The following CAMSAP2 variants were observed in gnomAD, a reference collection of about 807,000 sequenced individuals.
CAMSAP2 encodes the protein calmodulin-regulated spectrin-associated protein 2.
In CAMSAP2, 26 loss-of-function variants were observed where a neutral mutation model predicts 146.1. The observed-to-expected ratio is 0.18, with a 90% confidence interval of 0.13 to 0.25. CAMSAP2 has a LOEUF of 0.25. Ranked by LOEUF, CAMSAP2 falls within the 10% of genes least tolerant of loss-of-function variation. The pLI, the probability that CAMSAP2 is intolerant of heterozygous loss-of-function variation, is 1.00. For synonymous variants in CAMSAP2, 499 were observed against 596.6 expected, an observed-to-expected ratio of 0.84 and a Z score of 2.38; for missense variants, 1,381 against 1,759.3, an observed-to-expected ratio of 0.78 and a Z score of 3.85.
Position 200,828,556 on chromosome 1 carries a change from C to T in CAMSAP2, c.646-3644C>T, listed in dbSNP as rs74689174. ...TACCTTTTGCTTTCCCCTTTTTTCC[C>T]GCTGCTTCCTCTGAAGTCTCCTTCC... On this transcript the variant is annotated intron_variant, in intron 4 of 16. Coordinates refer to ENST00000358823, the MANE Select transcript of CAMSAP2 (RefSeq NM_203459.4). The T allele has an allele frequency of 1.5e-3, 2,303 of 1,548,826 alleles. 38 individuals are homozygous for T. The Admixed American group carries it at 0.028, about 19-fold the overall frequency.
chr1:200,801,962 T>G (rs1666046448), intron 2 of CAMSAP2, among the ~76,000 whole-genome samples: 1 of 152,220 alleles, frequency 6.6e-6, no homozygotes, highest in South Asian at 2.1e-4. Flanking sequence ...ACCCCTAGTT[T>G]AACTGAGTTG....
chr1:200,797,956 A>C (rs546234750), intron 2 of CAMSAP2, among the ~76,000 whole-genome samples: 10 of 152,212 alleles, frequency 6.6e-5, no homozygotes, highest in African/African-American at 2.4e-4. Context: ...TGTTTTTGTC[A>C]GGTTTGTCAA....
At chr1:200,794,422 C>A (rs1004119518) in intron 2 of CAMSAP2, among the ~76,000 whole-genome samples, 1 of 152,100 alleles carries the variant, frequency 6.6e-6, no homozygotes, top group Non-Finnish European at 1.5e-5. Flanking sequence ...TTCTGTGAAG[C>A]CTTGGGTTTA....
At chr1:200,783,695 G>T (rs1359218762) in intron 2 of CAMSAP2, among the ~76,000 whole-genome samples, 3 of 151,882 alleles carry the variant, frequency 2.0e-5, no homozygotes, top group Non-Finnish European at 4.4e-5. Context: ...TCACTGTGTT[G>T]CCCAGATAGT....
At chr1:200,749,105 A>G (rs1300826261) in intron 1 of CAMSAP2, among the ~76,000 whole-genome samples, 1 of 152,208 alleles carries the variant, frequency 6.6e-6, no homozygotes, top group African/African-American at 2.4e-5. Context: ...GATAGGATGC[A>G]AACAGGGAGG....
At chr1:200,776,698 T>G (rs557679284) in intron 2 of CAMSAP2, among the ~76,000 whole-genome samples, 2 of 152,196 alleles carry the variant, frequency 1.3e-5, no homozygotes, top group Non-Finnish European at 2.9e-5. Flanking sequence ...CACTCCAGCC[T>G]GGGCAACAGA....
chr1:200,835,213 T>TA (rs1324948655), intron 6 of CAMSAP2, among the ~76,000 whole-genome samples: 2 of 152,186 alleles, frequency 1.3e-5, no homozygotes, highest in African/African-American at 4.8e-5. Context: ...AACAAAGCCC[T>TA]AATTTAAGAC....
At chr1:200,791,977 ATACT>A (rs1455956143) in intron 2 of CAMSAP2, among the ~76,000 whole-genome samples, 2 of 152,002 alleles carry the variant, frequency 1.3e-5, no homozygotes, top group African/African-American at 4.8e-5. Context: ...AAAAAAAAAA[ATACT>A]TACCCAAAAT....
intron 3 of CAMSAP2, among the ~76,000 whole-genome samples, chr1:200,809,701 G>A (rs1014205115): frequency 3.9e-5 from 6 of 152,010 alleles, no homozygotes; most frequent in Non-Finnish European, 5.9e-5. Context: ...AGTGCACTCC[G>A]GCCTGGGTGA....
chr1:200,856,312 T>C (rs564168885), intron 15 of CAMSAP2, among the ~76,000 whole-genome samples, 187 bp downstream of exon 15: 3 of 152,378 alleles, frequency 2.0e-5, no homozygotes, highest in African/African-American at 7.2e-5. Flanking sequence ...ATGCTACTTA[T>C]ATCTCATCCC....
In CAMSAP2 at chr1:200,832,397, A is replaced by C. The variant is rs1033598274; in HGVS notation, c.787+56A>C. 5 of 1,515,526 alleles carry C rather than the reference A, an allele frequency of 3.3e-6. No homozygotes were observed. Among genetic ancestry groups the C allele is most frequent in the Non-Finnish European group, 4.4e-6 (5 of 1,128,242 alleles). 93.9% of individuals were successfully genotyped at this position (1,515,526 alleles called of 1,614,324 possible). The stretch of plus-strand genomic sequence containing the variant: ...GTAGACAGATAGTAACCAATATTTA[A>C]GACAGTATTATTTTGCACTCCAGCC... On this transcript the variant is annotated intron_variant, in intron 5 of 16. Transcript: ENST00000358823. This position sits in a 1 kb window ranked among gnomAD's most constrained non-coding sequence, Gnocchi z 4.2.
chr1:200,803,468 A>G (rs57675544), intron 2 of CAMSAP2, among the ~76,000 whole-genome samples: 428 of 152,286 alleles, frequency 2.8e-3, no homozygotes, highest in African/African-American at 9.5e-3. Context: ...TTAAACGTGT[A>G]TATTTTATTT....
rs1278975414 is a variant in CAMSAP2 at position 200,847,286 on chromosome 1, G to A, written c.1186G>A (p.Ala396Thr). 1 of 1,607,208 alleles carries A rather than the reference G, an allele frequency of 6.2e-7. No individual in the cohort carries two copies. The highest frequency in any genetic ancestry group is 2.2e-5 in the East Asian group (1 of 44,772). The change falls in exon 9 of 17, where the codon GCC becomes ACC. Residue 396 changes from alanine to threonine, a missense_variant. Physicochemically the swap from Ala to Thr is moderately conservative, Grantham distance 58. Transcript: ENST00000358823. ...RYSRPQAHSS[A>T]SGGIRRSSSM... The stretch of plus-strand genomic sequence containing the variant: ...TTCACGTCCCCAGGCTCATTCTTCA[G>A]CCTCAGGTAATATATTTGAAAAAGC...
chr1:200,739,783 A>T lies in CAMSAP2; in HGVS notation c.-45A>T, dbSNP rs1245554620. The T allele has an allele frequency of 7.2e-7, 1 of 1,395,124 alleles. No homozygotes were observed. Among genetic ancestry groups the T allele is most frequent in the Non-Finnish European group, 9.6e-7 (1 of 1,040,078 alleles). 86.4% of individuals were successfully genotyped at this position (1,395,124 alleles called of 1,614,324 possible). On this transcript the variant is annotated 5_prime_UTR_variant, in exon 1 of 17. It removes an upstream start codon present in the reference 5' UTR. Transcript: ENST00000358823. This position sits in a 1 kb window ranked among gnomAD's most constrained non-coding sequence, Gnocchi z 4.8. The stretch of plus-strand genomic sequence containing the variant: ...ACCCCCGTGGTGGCGAGGCCACGCC[A>T]TGTGAAGGTTAGGGCCGGGACATCC...
chr1:200,824,235 CTT>C (rs76100494), intron 4 of CAMSAP2, among the ~76,000 whole-genome samples: 148 of 141,076 alleles, frequency 1.0e-3, no homozygotes, highest in South Asian at 8.5e-3. Context: ...TCATCCATCT[CTT>C]TTTTTTTTTT....
intron 6 of CAMSAP2, among the ~76,000 whole-genome samples, chr1:200,835,040 A>G (rs1667150509): frequency 6.6e-6 from 1 of 152,208 alleles, no homozygotes; most frequent in Admixed American, 6.5e-5. Context: ...AATCATATAC[A>G]TGCTATATAA....
At chr1:200,799,210 T>C (rs971833209) in intron 2 of CAMSAP2, among the ~76,000 whole-genome samples, 1 of 152,210 alleles carries the variant, frequency 6.6e-6, no homozygotes, top group South Asian at 2.1e-4. Flanking sequence ...AGTCCCTCTT[T>C]TTCTGTTGTT....
chr1:200,759,320 C>A (rs1664736039), intron 1 of CAMSAP2, among the ~76,000 whole-genome samples: 1 of 140,792 alleles, frequency 7.1e-6, no homozygotes, highest in Non-Finnish European at 1.5e-5. Flanking sequence ...ACTCTTGTTG[C>A]CCAAGCTGGA....
intron 2 of CAMSAP2, among the ~76,000 whole-genome samples, chr1:200,799,428 A>G (rs1388055240): frequency 6.6e-6 from 1 of 152,004 alleles, no homozygotes; most frequent in African/African-American, 2.4e-5. Flanking sequence ...GAATTTATCC[A>G]TTTCTTCTAG....
Sources: gnomAD v4.1 joint callset for allele counts (sites outside exome capture counted in the v4.1 genomes callset) on GRCh38, gnomAD v4.1.1 for gene constraint, Gnocchi (gnomAD v3.1) non-coding constraint, MANE v1.5 for transcripts, NCBI Gene and HGNC (gene_info 2026-07-23, HGNC 2026-07-21) for gene names.